SLC35G2: variants seen among roughly 807,000 people sequenced by gnomAD.
SLC35G2 encodes the protein solute carrier family 35 member G2.
Under a neutral mutation model 27.2 loss-of-function variants are expected in SLC35G2, and 20 were observed. The observed-to-expected ratio is 0.74, with a 90% CI of 0.52 to 1.07. The LOEUF (loss-of-function observed/expected upper bound fraction) is 1.07, where lower values mean the gene tolerates loss of function less well. SLC35G2 is among the 50% of genes least tolerant of loss of function. The pLI, the probability that SLC35G2 is intolerant of heterozygous loss-of-function variation, is 0.00. For synonymous variants in SLC35G2, 148 were observed against 165.3 expected, an observed-to-expected ratio of 0.90 and a Z score of 0.80; for missense variants, 416 against 493.3, an observed-to-expected ratio of 0.84 and a Z score of 1.48.
intron 1 of SLC35G2, among the ~76,000 whole-genome samples, chr3:136,822,752 A>T (rs923016565): frequency 6.6e-6 from 1 of 152,240 alleles, no homozygotes. Context: ...GTTGTTGCAC[A>T]TAACAGGATC....
At chr3:136,844,881 T>C (rs1328445474) in intron 1 of SLC35G2, among the ~76,000 whole-genome samples, 1 of 151,704 alleles carries the variant, frequency 6.6e-6, no homozygotes, top group Non-Finnish European at 1.5e-5. Context: ...AAAATTGTTA[T>C]CTGTTTATTT....
intron 1 of SLC35G2, among the ~76,000 whole-genome samples, chr3:136,853,470 C>T (rs1937779077): frequency 6.6e-6 from 1 of 152,058 alleles, no homozygotes; most frequent in African/African-American, 2.4e-5. Flanking sequence ...CTACAATGAA[C>T]TCTCCTGTAT....
intron 1 of SLC35G2, among the ~76,000 whole-genome samples, chr3:136,827,660 C>T (rs909652520): frequency 6.6e-6 from 1 of 152,020 alleles, no homozygotes. Flanking sequence ...GTTGTGTTTC[C>T]ATTATCATTT....
chr3:136,843,952 C>CA (rs1204568530), intron 1 of SLC35G2, among the ~76,000 whole-genome samples: 1 of 151,938 alleles, frequency 6.6e-6, no homozygotes, highest in African/African-American at 2.4e-5. Flanking sequence ...ACAAAAAAAT[C>CA]AGAGTTCTGA....
intron 1 of SLC35G2, among the ~76,000 whole-genome samples, chr3:136,846,817 T>G (rs1216530805): frequency 6.6e-6 from 1 of 152,208 alleles, no homozygotes; most frequent in Admixed American, 6.5e-5. Context: ...TAATTATTAC[T>G]CTAGTTGGTG....
chr3:136,835,347 G>T (rs1282379721), intron 1 of SLC35G2, among the ~76,000 whole-genome samples: 1 of 97,438 alleles, frequency 1.0e-5, no homozygotes, highest in Admixed American at 1.2e-4. Flanking sequence ...TTTTAGGTTT[G>T]TCTGATGTTT....
chr3:136,822,908 T>C (rs1200782491), intron 1 of SLC35G2, among the ~76,000 whole-genome samples: 1 of 152,208 alleles, frequency 6.6e-6, no homozygotes, highest in Non-Finnish European at 1.5e-5. Context: ...CTGATTTCCT[T>C]TCTTTTGGTT....
At chr3:136,829,117 CATTT>C (rs1232371110) in intron 1 of SLC35G2, among the ~76,000 whole-genome samples, 1 of 152,052 alleles carries the variant, frequency 6.6e-6, no homozygotes, top group Non-Finnish European at 1.5e-5. Flanking sequence ...ATTGGCTTAT[CATTT>C]AGTCTTTCTA....
chr3:136,854,448 A>G lies in SLC35G2; in HGVS notation c.-13A>G. 7.1e-6 allele frequency: 11 copies of G among 1,550,644 alleles called. No individual in the cohort carries two copies. The highest frequency in any genetic ancestry group is 9.6e-6 in the Non-Finnish European group (11 of 1,147,712). On this transcript the variant is annotated 5_prime_UTR_variant, in exon 2 of 2. Coordinates refer to ENST00000446465, the MANE Select transcript of SLC35G2 (RefSeq NM_025246.3). ...CAATTTTTTTCTTTAAATAGAATTG[A>G]TTATCTGAAGAAATGGATACTTCTC...
chr3:136,838,652 G>A (rs1936968853), intron 1 of SLC35G2: 1 of 152,172 alleles, frequency 6.6e-6, no homozygotes, highest in South Asian at 2.1e-4. Context: ...GCCTCAAGAA[G>A]GAGTTCAGGC....
intron 1 of SLC35G2, among the ~76,000 whole-genome samples, chr3:136,836,188 A>C (rs889279899): frequency 6.6e-6 from 1 of 152,056 alleles, no homozygotes; most frequent in Non-Finnish European, 1.5e-5. Context: ...ATTTATATTA[A>C]AACTCATGAA....
intron 1 of SLC35G2, among the ~76,000 whole-genome samples, chr3:136,850,223 T>G (rs373819996): frequency 6.6e-6 from 1 of 152,256 alleles, no homozygotes; most frequent in Non-Finnish European, 1.5e-5. Flanking sequence ...TTAAATTCTT[T>G]GTACTGCTCA....
chr3:136,840,539 T>G lies in SLC35G2; in HGVS notation c.-18-13904T>G, dbSNP rs375100954. Among the ~76,000 whole-genome samples the G allele has an allele frequency of 1.2e-4, 16 of 135,932 alleles. No homozygotes were observed. In the East Asian group the frequency reaches 3.4e-3, roughly 29 times the overall value. The allele number at this position is 135,932 out of a possible 152,430, so 89.2% of individuals were successfully genotyped here. ...CTTCCTCTCTCTCTCCCTCCCTCCC[T>G]CTCTCCCTTCCTTCTCTTTTTCTCT... is the stretch of plus-strand genomic sequence containing the variant. On this transcript the variant is annotated intron_variant, in intron 1 of 1. Transcript: ENST00000446465.
At chr3:136,825,241 C>CTT (rs71626025) in intron 1 of SLC35G2, among the ~76,000 whole-genome samples, 2,061 of 135,038 alleles carry the variant, frequency 0.015, 40 homozygotes, top group Admixed American at 0.03. Flanking sequence ...TCGTATATAA[C>CTT]TTTTTTTTTT....
At chr3:136,832,496 T>TATATACATATTGTTATACAA (rs1936754858) in intron 1 of SLC35G2, among the ~76,000 whole-genome samples, 1 of 152,252 alleles carries the variant, frequency 6.6e-6, no homozygotes. Flanking sequence ...ATTTCCTTCC[T>TATATACATATTGTTATACAA]TTAATGTGCA....
rs183629227 is a variant in SLC35G2 at position 136,826,292 on chromosome 3, C to T, written c.-19+6664C>T. Among the ~76,000 whole-genome samples the T allele has an allele frequency of 2.6e-5, 4 of 151,714 alleles. No individual in the cohort carries two copies. The East Asian group carries it at 5.9e-4, about 22-fold the overall frequency. On this transcript the variant is annotated intron_variant, in intron 1 of 1. Transcript: ENST00000446465. ...GACCTCGTGATCCGCCTGTCTCGGC[C>T]TCCCAAAGTGCTGGGATTACAGGCA...
chr3:136,855,533 C>G lies in SLC35G2; in HGVS notation c.1073C>G (p.Ala358Gly). 1 of 1,614,132 alleles carries G rather than the reference C, an allele frequency of 6.2e-7. No homozygotes were observed. ...STVQHLEIVV[A>G]MVLQLLVLHI... ...GTACAACATTTGGAGATTGTGGTAG[C>G]TATGGTCTTGCAGCTTCTCGTGCTG... Residue 358 changes from alanine (A) to glycine (G), a missense_variant, in exon 2 of 2, where the codon GCT becomes GGT. Coordinates refer to ENST00000446465, the MANE Select transcript of SLC35G2 (RefSeq NM_025246.3).
chr3:136,828,851 C>T (rs1936653424), intron 1 of SLC35G2, among the ~76,000 whole-genome samples: 1 of 152,070 alleles, frequency 6.6e-6, no homozygotes, highest in South Asian at 2.1e-4. Context: ...ATGATTTTCT[C>T]TTGTGGCATA....
intron 1 of SLC35G2, among the ~76,000 whole-genome samples, chr3:136,844,590 T>A (rs978375578): frequency 1.3e-5 from 2 of 150,578 alleles, no homozygotes; most frequent in African/African-American, 4.9e-5. Flanking sequence ...CATGAGGCCG[T>A]GAGTTTGAGA....
Sources: gnomAD v4.1 joint callset for allele counts (sites outside exome capture counted in the v4.1 genomes callset) on GRCh38, gnomAD v4.1.1 for gene constraint, MANE v1.5 for transcripts, NCBI Gene and HGNC (gene_info 2026-07-23, HGNC 2026-07-21) for gene names.